Variants in HNF4A observed in about 807,000 individuals in gnomAD.
HNF4A encodes hepatocyte nuclear factor 4-alpha.
In HNF4A, 15 loss-of-function variants were observed where a neutral mutation model predicts 52.4. The ratio of observed to expected loss-of-function variants is 0.29; its 90% CI spans 0.19 to 0.44. HNF4A has a LOEUF of 0.44. Among genes scored for constraint, HNF4A ranks in the 20% least tolerant of loss-of-function variants. The probability of loss-of-function intolerance (pLI) is 1.00; values close to 1 mark genes in which losing one functional copy is unlikely to be tolerated. For missense variants in HNF4A, 479 were observed against 647.2 expected, an observed-to-expected ratio of 0.74 and a Z score of 2.82; for synonymous variants, 280 against 264.4, an observed-to-expected ratio of 1.06 and a Z score of -0.57.
intron 3 of HNF4A, among the ~76,000 whole-genome samples, chr20:44,413,360 GA>G (rs1568729938): frequency 6.6e-6 from 1 of 152,116 alleles, no homozygotes; most frequent in Admixed American, 6.5e-5. Flanking sequence ...CCCTTTTGTA[GA>G]CCAGAGCTTG....
At chr20:44,368,681 A>C (rs886793765) in intron 1 of HNF4A, among the ~76,000 whole-genome samples, 9 of 152,214 alleles carry the variant, frequency 5.9e-5, no homozygotes, top group African/African-American at 2.2e-4. Flanking sequence ...ATGTATTGTT[A>C]ATGATATTGA....
At chr20:44,411,535 C>T (rs1311383204) in intron 3 of HNF4A, among the ~76,000 whole-genome samples, 3 of 123,108 alleles carry the variant, frequency 2.4e-5, no homozygotes, top group South Asian at 5.9e-4. Context: ...GGGGTGTGGG[C>T]GGGTGGGGTG....
chr20:44,371,041 G>A (rs1600643027), intron 1 of HNF4A, among the ~76,000 whole-genome samples: 1 of 152,174 alleles, frequency 6.6e-6, no homozygotes, highest in African/African-American at 2.4e-5. Flanking sequence ...GAGAGAGCAG[G>A]CGGCCCTGCC....
chr20:44,395,694 G>A (rs531059242), intron 1 of HNF4A: 10 of 152,380 alleles, frequency 6.6e-5, no homozygotes, highest in African/African-American at 2.2e-4. Context: ...GACCTATATT[G>A]TGAGATAGTT....
At chr20:44,359,564 T>C (rs1245875308) in intron 1 of HNF4A, among the ~76,000 whole-genome samples, 1 of 152,184 alleles carries the variant, frequency 6.6e-6, no homozygotes, top group Non-Finnish European at 1.5e-5. Context: ...CAAACAGAAC[T>C]GAGGCTCTGG....
chr20:44,384,913 G>T (rs1180739566), intron 1 of HNF4A, among the ~76,000 whole-genome samples: 1 of 152,004 alleles, frequency 6.6e-6, no homozygotes, highest in Non-Finnish European at 1.5e-5. Flanking sequence ...AGAAAAGGGA[G>T]TGTGATGATC....
intron 1 of HNF4A, among the ~76,000 whole-genome samples, chr20:44,385,326 A>G (rs4364072): frequency 0.33 from 49,962 of 151,112 alleles, 8,639 homozygotes; most frequent in South Asian, 0.42. Context: ...CCAGAAGCTC[A>G]TTAAACACTT....
At chr20:44,379,428 G>T (rs149697239) in intron 1 of HNF4A, among the ~76,000 whole-genome samples, 1 of 152,202 alleles carries the variant, frequency 6.6e-6, no homozygotes, top group Non-Finnish European at 1.5e-5. Flanking sequence ...TGATAGGAAC[G>T]TAAAAGGGTT....
chr20:44,394,991 G>A, intron 1 of HNF4A, among the ~76,000 whole-genome samples: 1 of 152,142 alleles, frequency 6.6e-6, no homozygotes, highest in East Asian at 1.9e-4. Flanking sequence ...AAACCCACTG[G>A]CCTTCAGCCC....
At position 44,391,983 on chromosome 20, in the gene HNF4A, T is replaced by C. The variant is rs904441821; in HGVS notation, c.50-14075T>C. On this transcript the variant is annotated intron_variant, in intron 1 of 9. Coordinates refer to the HNF4A transcript ENST00000316673. ...AAAGATGTTCACAAATTAAGTAAAATATTAAATAATAATAATAACACATAC... is the reference window on the plus strand; with the variant it reads ...AAAGATGTTCACAAATTAAGTAAAACATTAAATAATAATAATAACACATAC... 2.0e-5 allele frequency: 3 copies of C among 152,128 alleles called. No individual in the cohort carries two copies. The East Asian group carries it at 5.8e-4, about 29-fold the overall frequency. 9.4% of individuals were successfully genotyped at this position (152,128 alleles called of 1,614,324 possible).
chr20:44,405,686 C>T (rs1418077457), intron 1 of HNF4A, among the ~76,000 whole-genome samples: 1 of 152,224 alleles, frequency 6.6e-6, no homozygotes, highest in Non-Finnish European at 1.5e-5. Flanking sequence ...AGGGACAGGA[C>T]CTGGTTCTGG....
chr20:44,418,345 C>A, intron 5 of HNF4A, 80 bp from the exon 6 acceptor site: 1 of 1,121,498 alleles, frequency 8.9e-7, no homozygotes, highest in Non-Finnish European at 1.4e-6. Flanking sequence ...ATTAAGCTGA[C>A]TTGCCCAGCG....
intron 1 of HNF4A, among the ~76,000 whole-genome samples, chr20:44,372,561 A>G (rs931652223): frequency 3.9e-5 from 6 of 152,234 alleles, no homozygotes; most frequent in Admixed American, 2.0e-4. Context: ...ACATAAAACA[A>G]TAGTCAATTT....
chr20:44,425,671 T>TTTTC (rs1296711074), intron 8 of HNF4A, among the ~76,000 whole-genome samples: 2 of 150,204 alleles, frequency 1.3e-5, no homozygotes, highest in Non-Finnish European at 3.0e-5. Context: ...TTTTTTTTTT[T>TTTTC]TGAGACGAGA....
chr20:44,392,462 C>T (rs954044052), intron 1 of HNF4A, among the ~76,000 whole-genome samples: 2 of 152,010 alleles, frequency 1.3e-5, no homozygotes, highest in African/African-American at 2.4e-5. Flanking sequence ...CCCCAAGATT[C>T]GATCATTGAT....
At chr20:44,376,318 A>G (rs529092708) in intron 1 of HNF4A, among the ~76,000 whole-genome samples, 123 of 152,260 alleles carry the variant, frequency 8.1e-4, no homozygotes, top group Middle Eastern at 6.8e-3. Flanking sequence ...GTTGCTTGTC[A>G]TTGTGCAAAT....
chr20:44,413,653 A>ATCCC, intron 3 of HNF4A, 41 bp from the exon 4 acceptor site: 1 of 1,437,164 alleles, frequency 7.0e-7, no homozygotes, highest in Non-Finnish European at 9.6e-7. Flanking sequence ...CCCCTACTCC[A>ATCCC]TCCCTGTTCT....
At chr20:44,414,723 C>T in intron 5 of HNF4A, 61 bp downstream of exon 5, 3 of 1,494,868 alleles carry the variant, frequency 2.0e-6, no homozygotes, top group South Asian at 2.4e-5. Context: ...CAGGGGGCTG[C>T]TGGCCCACCT....
chr20:44,356,273 G>T lies in HNF4A; in HGVS notation c.49+420G>T, dbSNP rs192146523. Among the ~76,000 whole-genome samples the T allele has an allele frequency of 2.7e-3, 410 of 152,304 alleles. 2 individuals are homozygous for T. Among genetic ancestry groups the T allele is most frequent in the African/African-American group, 9.5e-3 (393 of 41,560 alleles). ...GCATTATCAAGCTGGGCGTGGGACC[G>T]GGCAGCTCGGTCGCTCCGCACCTCC... On this transcript the variant is annotated intron_variant, in intron 1 of 9. Transcript: ENST00000316673.
Sources: allele counts gnomAD v4.1 joint callset (sites outside exome capture counted in the v4.1 genomes callset), GRCh38; gene constraint gnomAD v4.1.1; transcripts MANE v1.5; gene names NCBI Gene and HGNC (gene_info 2026-07-23, HGNC 2026-07-21).